PVT1: variants seen among roughly 807,000 people sequenced by gnomAD.
The protein encoded by PVT1 is CXCR4/PVT1 fusion.
At chr8:128,004,737 AC>A (rs1342605053) in intron 4 of PVT1, among the ~76,000 whole-genome samples, 2 of 152,248 alleles carry the variant, frequency 1.3e-5, no homozygotes, top group Non-Finnish European at 2.9e-5. Context: ...GCAGCCCTGA[AC>A]AAGTTACTTT....
At chr8:127,806,331 T>C (rs1049207854) in intron 2 of PVT1, among the ~76,000 whole-genome samples, 1 of 152,018 alleles carries the variant, frequency 6.6e-6, no homozygotes, top group African/African-American at 2.4e-5. Context: ...TGTGGTGGCG[T>C]GTGCCTGTAG....
At chr8:127,799,890 T>C (rs1274763130) in intron 2 of PVT1, among the ~76,000 whole-genome samples, 1 of 152,222 alleles carries the variant, frequency 6.6e-6, no homozygotes, top group Non-Finnish European at 1.5e-5. Context: ...TCACTGTAGT[T>C]CTCTGCAAGC....
intron 4 of PVT1, among the ~76,000 whole-genome samples, chr8:128,030,278 G>A (rs1813373411): frequency 6.6e-6 from 1 of 152,044 alleles, no homozygotes; most frequent in Non-Finnish European, 1.5e-5. Flanking sequence ...ATTATATTAT[G>A]TACATATGTA....
chr8:127,908,473 C>G (rs1003385493), intron 3 of PVT1, among the ~76,000 whole-genome samples: 5 of 151,974 alleles, frequency 3.3e-5, no homozygotes, highest in Admixed American at 2.0e-4. Context: ...TCCTGAGTAG[C>G]TGGGATTACA....
intron 3 of PVT1, among the ~76,000 whole-genome samples, chr8:127,977,309 G>A (rs1036148255): frequency 2.6e-5 from 4 of 152,152 alleles, no homozygotes; most frequent in Non-Finnish European, 5.9e-5. Context: ...GCTGGAGTCT[G>A]GGCTTCTCAA....
At chr8:128,079,308 G>A (rs566729533) in intron 5 of PVT1, among the ~76,000 whole-genome samples, 10 of 152,226 alleles carry the variant, frequency 6.6e-5, no homozygotes, top group East Asian at 5.8e-4. Context: ...TTAATAGGCT[G>A]TTTATTTGAG....
At chr8:127,978,347 A>G (rs1816844949) in intron 3 of PVT1, among the ~76,000 whole-genome samples, 1 of 151,628 alleles carries the variant, frequency 6.6e-6, no homozygotes, top group South Asian at 2.1e-4. Flanking sequence ...TTTTGTAGAG[A>G]CAGTATCTCA....
intron 2 of PVT1, among the ~76,000 whole-genome samples, chr8:127,843,222 G>T (rs1814992047): frequency 6.6e-6 from 1 of 152,088 alleles, no homozygotes; most frequent in Admixed American, 6.5e-5. Flanking sequence ...TGAGTGTGAT[G>T]GTGCATGCCT....
chr8:127,798,988 A>AAAAC (rs1222805087), intron 2 of PVT1, among the ~76,000 whole-genome samples: 13 of 152,238 alleles, frequency 8.5e-5, no homozygotes, highest in Non-Finnish European at 5.9e-5. Flanking sequence ...GATTTAATTA[A>AAAAC]AAACAAAAAC....
chr8:127,815,181 G>A (rs1379349719), intron 2 of PVT1, among the ~76,000 whole-genome samples: 1 of 152,084 alleles, frequency 6.6e-6, no homozygotes, highest in African/African-American at 2.4e-5. Context: ...TGGCCAGGCT[G>A]GTCTCAAACT....
At chr8:127,804,087 G>T (rs913331048) in intron 2 of PVT1, among the ~76,000 whole-genome samples, 2 of 151,974 alleles carry the variant, frequency 1.3e-5, no homozygotes, top group Admixed American at 1.3e-4. Flanking sequence ...TTGGTGGCAC[G>T]CACCTGTATT....
At chr8:127,897,906 A>G (rs985877288) in intron 3 of PVT1, among the ~76,000 whole-genome samples, 5 of 150,698 alleles carry the variant, frequency 3.3e-5, no homozygotes, top group African/African-American at 4.9e-5. Flanking sequence ...AAAGAAAAAA[A>G]GACAGACAGG....
chr8:127,809,029 C>CAAAAAAAAAAAA (rs1158760672), intron 2 of PVT1, among the ~76,000 whole-genome samples: 51 of 28,180 alleles, frequency 1.8e-3, no homozygotes, highest in Non-Finnish European at 2.5e-3. Flanking sequence ...GATTCCATCT[C>CAAAAAAAAAAAA]AAAAAAAAAA....
intron 2 of PVT1, among the ~76,000 whole-genome samples, chr8:127,826,198 G>A (rs1814787278): frequency 6.6e-6 from 1 of 151,842 alleles, no homozygotes; most frequent in South Asian, 2.1e-4. Flanking sequence ...GTAACCTTGG[G>A]CAAATTGCTT....
At chr8:127,958,171 C>T (rs911843475) in intron 3 of PVT1, among the ~76,000 whole-genome samples, 1 of 152,206 alleles carries the variant, frequency 6.6e-6, no homozygotes, top group African/African-American at 2.4e-5. Context: ...TTATTCAGCA[C>T]CTACTATACC....
chr8:127,961,879 C>T (rs911607298), intron 3 of PVT1, among the ~76,000 whole-genome samples: 2 of 152,260 alleles, frequency 1.3e-5, no homozygotes, highest in African/African-American at 4.8e-5. Context: ...TCAACAATGA[C>T]TAACCTGTAA....
intron 4 of PVT1, among the ~76,000 whole-genome samples, chr8:128,011,358 T>TG (rs1252718455): frequency 2.5e-4 from 38 of 152,216 alleles, no homozygotes; most frequent in Admixed American, 2.4e-3. Context: ...AGTGGACCTT[T>TG]GGGAGATAAT....
At chr8:127,825,962 T>G (rs531305563) in intron 2 of PVT1, among the ~76,000 whole-genome samples, 51 of 151,922 alleles carry the variant, frequency 3.4e-4, no homozygotes, top group African/African-American at 1.1e-3. Flanking sequence ...TGGATTCTCT[T>G]GTCTTAGCCT....
intron 2 of PVT1, among the ~76,000 whole-genome samples, chr8:127,849,997 A>G (rs112074595): frequency 7.2e-6 from 1 of 138,712 alleles, no homozygotes; most frequent in Non-Finnish European, 1.5e-5. Flanking sequence ...CAGCCTGTAC[A>G]TATGTGTATT....
Sources: gnomAD v4.1 joint callset for allele counts (sites outside exome capture counted in the v4.1 genomes callset) on GRCh38, gnomAD v4.1.1 for gene constraint, MANE v1.5 for transcripts, NCBI Gene and HGNC (gene_info 2026-07-23, HGNC 2026-07-21) for gene names.